JAKMIP3: variants seen among roughly 807,000 people sequenced by gnomAD.
The protein encoded by JAKMIP3 is janus kinase and microtubule-interacting protein 3.
Under a neutral mutation model 118.5 loss-of-function variants are expected in JAKMIP3, and 58 were observed. The observed-to-expected ratio is 0.49, with a 90% confidence interval of 0.40 to 0.61. The LOEUF (loss-of-function observed/expected upper bound fraction) is 0.61. Among genes scored for constraint, JAKMIP3 ranks in the 20% least tolerant of loss-of-function variants. The pLI is 0.00. For synonymous variants in JAKMIP3, 486 were observed against 451.2 expected (o/e 1.08, Z -0.98); for missense variants, 950 against 1,109.0 (o/e 0.86, Z 2.04).
At chr10:132,076,387 G>A (rs1021977504) in intron 1 of JAKMIP3, among the ~76,000 whole-genome samples, 16 of 152,256 alleles carry the variant, frequency 1.1e-4, no homozygotes, top group Admixed American at 1.3e-4. Flanking sequence ...TGGATAGACC[G>A]TTTTTGTTTA....
At position 132,118,942 on chromosome 10, in the gene JAKMIP3, G is replaced by A. The variant is rs1589857746; in HGVS notation, c.633+1368G>A. Among the ~76,000 whole-genome samples, 1 of 152,176 alleles carries A rather than the reference G, an allele frequency of 6.6e-6. No individual in the cohort carries two copies. The highest frequency in any genetic ancestry group is 2.1e-4 in the South Asian group (1 of 4,822). On this transcript the variant is annotated intron_variant, in intron 3 of 23. Coordinates refer to ENST00000684848, the MANE Select transcript of JAKMIP3 (RefSeq NM_001323087.2). This position sits in a 1 kb window ranked among gnomAD's most constrained non-coding sequence, Gnocchi z 4.8. The stretch of plus-strand genomic sequence containing the variant: ...TGGCTGCCTCTGCCCAGTGCCACAC[G>A]ACCCTTTCATTTGTCTTGGTTGGAT...
chr10:132,174,146 C>T (rs995504338), intron 23 of JAKMIP3, among the ~76,000 whole-genome samples: 2 of 151,988 alleles, frequency 1.3e-5, no homozygotes, highest in Non-Finnish European at 2.9e-5. Flanking sequence ...TCGGTTGTGA[C>T]CCATGCACAG....
At chr10:132,088,614 G>T (rs2042708458) in intron 1 of JAKMIP3, among the ~76,000 whole-genome samples, 2 of 152,128 alleles carry the variant, frequency 1.3e-5, no homozygotes, top group African/African-American at 4.8e-5. Flanking sequence ...TTAGCCCTTT[G>T]TCAGATGAGT....
At chr10:132,096,068 A>G (rs2043819800) in intron 1 of JAKMIP3, among the ~76,000 whole-genome samples, 2 of 151,992 alleles carry the variant, frequency 1.3e-5, no homozygotes. Context: ...TGGTTTCCTC[A>G]CCTGAAGAGC....
intron 1 of JAKMIP3, among the ~76,000 whole-genome samples, chr10:132,059,016 A>C (rs2038321818): frequency 6.6e-6 from 1 of 152,014 alleles, no homozygotes; most frequent in Non-Finnish European, 1.5e-5. Flanking sequence ...CCCCAGCTGC[A>C]GTGGTTGGAG....
At chr10:132,056,357 C>T (rs2038236144) in intron 1 of JAKMIP3, among the ~76,000 whole-genome samples, 2 of 152,184 alleles carry the variant, frequency 1.3e-5, no homozygotes, top group East Asian at 1.9e-4. Context: ...AAGCTGTGAG[C>T]ATGTCCTCTG....
upstream of JAKMIP3, among the ~76,000 whole-genome samples, chr10:132,064,653 G>T (rs536916460): frequency 6.6e-6 from 1 of 152,188 alleles, no homozygotes; most frequent in Non-Finnish European, 1.5e-5. The surrounding 1 kb of genome is among the most constrained non-coding windows in gnomAD (Gnocchi z 4.4). Context: ...TCCGTCACAC[G>T]AGTCAGGACA....
Position 132,176,078 on chromosome 10 carries a change from CA to C in JAKMIP3, c.*1104-6278del, listed in dbSNP as rs1365519718. On this transcript the variant is annotated intron_variant, in intron 23 of 23. Coordinates refer to ENST00000684848, the MANE Select transcript of JAKMIP3 (RefSeq NM_001323087.2). ...GAAGCAGAGGCTGCCAGATCCCGAT[CA>C]GGGGGCGGAGTCTTCAAGGTGCCTC... 5.9e-5 allele frequency among the ~76,000 whole-genome samples: 9 copies of C among 152,326 alleles called. No individual in the cohort carries two copies. The East Asian group carries it at 1.7e-3, about 29-fold the overall frequency.
At chr10:132,059,074 C>G (rs962649464) in intron 1 of JAKMIP3, among the ~76,000 whole-genome samples, 18 of 152,234 alleles carry the variant, frequency 1.2e-4, no homozygotes, top group South Asian at 4.1e-4. Context: ...CAGCTGTTCG[C>G]GCGGACGACA....
At chr10:132,142,259 C>T (rs1392654523) in intron 11 of JAKMIP3, among the ~76,000 whole-genome samples, 2 of 152,182 alleles carry the variant, frequency 1.3e-5, no homozygotes, top group Non-Finnish European at 2.9e-5. Context: ...GTGGGAGGGA[C>T]TGGCCCAGAG....
intron 3 of JAKMIP3, among the ~76,000 whole-genome samples, chr10:132,128,871 G>C (rs1048362697): frequency 6.6e-6 from 1 of 151,904 alleles, no homozygotes; most frequent in Non-Finnish European, 1.5e-5. Context: ...AGTTCCTATC[G>C]GCTTACTTCA....
chr10:132,101,344 C>T (rs568060379), intron 1 of JAKMIP3, among the ~76,000 whole-genome samples: 13 of 152,204 alleles, frequency 8.5e-5, no homozygotes, highest in East Asian at 1.9e-4. Context: ...GAGCAAGGAC[C>T]GACCCCCCAA....
At chr10:132,180,744 TGC>T (rs144225577) in intron 23 of JAKMIP3, among the ~76,000 whole-genome samples, 334 of 21,902 alleles carry the variant, frequency 0.015, 64 homozygotes, top group Middle Eastern at 0.04. Context: ...TGTGCGTGCG[TGC>T]GCGCGCGTGT....
chr10:132,174,742 C>T (rs1036132755), intron 23 of JAKMIP3, among the ~76,000 whole-genome samples: 15 of 152,100 alleles, frequency 9.9e-5, no homozygotes, highest in Admixed American at 2.0e-4. Context: ...GGAGGATTTC[C>T]GTTGCCCCAC....
At chr10:132,089,457 T>C (rs1332594011) in intron 1 of JAKMIP3, among the ~76,000 whole-genome samples, 1 of 152,228 alleles carries the variant, frequency 6.6e-6, no homozygotes, top group Non-Finnish European at 1.5e-5. Context: ...GGTATTTTAT[T>C]CTCTTTGAAG....
chr10:132,163,126 G>A, intron 19 of JAKMIP3, 83 bp from the exon 20 acceptor site: 2 of 1,322,016 alleles, frequency 1.5e-6, no homozygotes, highest in East Asian at 5.0e-5. Context: ...CCAGGCGGAG[G>A]GTGGCCCGGC....
chr10:132,167,793 G>A (rs546148074), intron 22 of JAKMIP3, among the ~76,000 whole-genome samples, 160 bp from the exon 23 acceptor site: 1 of 150,666 alleles, frequency 6.6e-6, no homozygotes, highest in South Asian at 2.1e-4. Context: ...TCTCCACGCA[G>A]CCCTTCGGTC....
chr10:132,065,283 G>A (rs1183730992), upstream of JAKMIP3, among the ~76,000 whole-genome samples: 1 of 152,018 alleles, frequency 6.6e-6, no homozygotes, highest in Non-Finnish European at 1.5e-5. The surrounding 1 kb of genome is among the most constrained non-coding windows in gnomAD (Gnocchi z 5.6). Context: ...TGGGATTGGC[G>A]GGCCAGGTGA....
intron 17 of JAKMIP3, among the ~76,000 whole-genome samples, chr10:132,153,527 T>G (rs1219069902): frequency 6.6e-6 from 1 of 151,110 alleles, no homozygotes; most frequent in African/African-American, 2.4e-5. Context: ...CTAGTGTCCC[T>G]CCTCTCCTGG....
Sources: allele counts gnomAD v4.1 joint callset (sites outside exome capture counted in the v4.1 genomes callset), GRCh38; gene constraint gnomAD v4.1.1; non-coding constraint Gnocchi (gnomAD v3.1); transcripts MANE v1.5; gene names NCBI Gene and HGNC (gene_info 2026-07-23, HGNC 2026-07-21).